HTT: variants seen among roughly 807,000 people sequenced by gnomAD.
The protein encoded by HTT is huntingtin, also known as huntington disease protein.
HTT carries 104 observed loss-of-function variants against 362.3 expected under a neutral mutation model. The observed-to-expected ratio is 0.29, with a 90% CI of 0.24 to 0.34. HTT has a LOEUF of 0.34. HTT is among the 10% of genes least tolerant of loss of function. HTT has a pLI of 1.00. For synonymous variants in HTT, 1,577 were observed against 1,548.7 expected (o/e 1.02, Z -0.43); for missense variants, 3,301 against 3,928.6 (o/e 0.84, Z 4.27).
intron 15 of HTT, 24 bp from the exon 16 acceptor site, chr4:3,131,614 G>A (rs2110188827): frequency 6.2e-7 from 1 of 1,609,242 alleles, no homozygotes; most frequent in Non-Finnish European, 8.5e-7. Flanking sequence ...GAGGCTGAAG[G>A]TGGCTTGGGT....
Position 3,130,005 on chromosome 4 carries a change from C to T in HTT, c.1825C>T (p.Leu609Phe). The stretch of plus-strand genomic sequence containing the variant: ...TGAAGATGAGGAAGCCACAGGTATT[C>T]TTCCTGATGAAGCCTCGGAGGCCTT... ...QDEDEEATGI[L>F]PDEASEAFRN... Residue 609 changes from leucine to phenylalanine, a missense_variant, in exon 13 of 67, where the codon CTT becomes TTT. Coordinates refer to ENST00000355072, the MANE Select transcript of HTT (RefSeq NM_001388492.1). 6.2e-7 allele frequency: 1 copy of T among 1,613,606 alleles called. No homozygotes were observed. Among genetic ancestry groups the T allele is most frequent in the Non-Finnish European group, 8.5e-7 (1 of 1,179,746 alleles).
chr4:3,156,978 A>G, intron 27 of HTT, 94 bp from the exon 28 acceptor site: 1 of 1,021,446 alleles, frequency 9.8e-7, no homozygotes. Context: ...TCATACTAGA[A>G]TACTTTAAAA....
Position 3,129,202 on chromosome 4 carries a change from T to C in HTT, c.1744-722T>C, listed in dbSNP as rs538877837. On this transcript the variant is annotated intron_variant, in intron 12 of 66. Transcript: ENST00000355072. Reference sequence around the variant, plus strand: ...TTCATGTTTTAGCCATTGTGAATCATGCTGTTATGAACGTGGGTGTACAGA... The same window carrying C: ...TTCATGTTTTAGCCATTGTGAATCACGCTGTTATGAACGTGGGTGTACAGA... 3.3e-5 allele frequency: 5 copies of C among 152,402 alleles called. No homozygotes were observed. In the East Asian group the frequency reaches 9.6e-4, roughly 29 times the overall value. The allele number at this position is 152,402 out of a possible 1,614,324, so 9.4% of individuals were successfully genotyped here.
chr4:3,169,860 CA>C (rs1393685244), intron 29 of HTT, among the ~76,000 whole-genome samples: 1 of 152,228 alleles, frequency 6.6e-6, no homozygotes, highest in African/African-American at 2.4e-5. Context: ...AGGCATGAGC[CA>C]CCGTGTCTGG....
At chr4:3,133,089 C>T (rs1715898880) in intron 18 of HTT, among the ~76,000 whole-genome samples, 178 bp downstream of exon 18, 1 of 152,138 alleles carries the variant, frequency 6.6e-6, no homozygotes, top group Non-Finnish European at 1.5e-5. Context: ...AAAGTTAATG[C>T]TTCATAAACT....
At chr4:3,185,311 CAG>C (rs1718710934) in intron 37 of HTT, among the ~76,000 whole-genome samples, 1 of 152,142 alleles carries the variant, frequency 6.6e-6, no homozygotes, top group African/African-American at 2.4e-5. Context: ...GCATGGATGA[CAG>C]AGCACTGTGG....
At chr4:3,127,156 G>A in intron 11 of HTT, 108 bp from the exon 12 acceptor site, 1 of 785,670 alleles carries the variant, frequency 1.3e-6, no homozygotes, top group Non-Finnish European at 2.1e-6. Context: ...ATGCTGTGCA[G>A]CTGAAACATT....
chr4:3,196,840 A>G (rs1322288477), intron 40 of HTT, among the ~76,000 whole-genome samples: 1 of 152,060 alleles, frequency 6.6e-6, no homozygotes, highest in Non-Finnish European at 1.5e-5. Flanking sequence ...TAACAGCCAC[A>G]CTAAGCCAGC....
intron 61 of HTT, among the ~76,000 whole-genome samples, 162 bp downstream of exon 61, chr4:3,233,515 GCA>G (rs1441227237): frequency 6.6e-6 from 1 of 152,200 alleles, no homozygotes; most frequent in Non-Finnish European, 1.5e-5. Context: ...AGACGCAAGA[GCA>G]CAGGTGCGTC....
intron 33 of HTT, among the ~76,000 whole-genome samples, chr4:3,176,998 A>G (rs2110236725): frequency 6.6e-6 from 1 of 152,320 alleles, no homozygotes; most frequent in East Asian, 1.9e-4. Context: ...TTACTAAACC[A>G]GTTTCAGGGA....
chr4:3,193,290 T>C (rs1300541219), intron 40 of HTT, among the ~76,000 whole-genome samples: 1 of 152,272 alleles, frequency 6.6e-6, no homozygotes, highest in Non-Finnish European at 1.5e-5. Context: ...ATAATTTTCT[T>C]GTTTCTTTTT....
intron 49 of HTT, chr4:3,213,076 GC>G (rs1429150563): frequency 8.9e-6 from 2 of 225,598 alleles, no homozygotes; most frequent in Non-Finnish European, 1.8e-5. Context: ...CTTGTAATTC[GC>G]CCCCAGAATG....
chr4:3,128,538 A>G (rs1028438734), intron 12 of HTT: 7 of 152,196 alleles, frequency 4.6e-5, no homozygotes, highest in Non-Finnish European at 1.0e-4. Context: ...CCTATTATAA[A>G]CAGATCTGTG....
At chr4:3,164,644 T>C (rs1717610359) in intron 29 of HTT, among the ~76,000 whole-genome samples, 1 of 152,226 alleles carries the variant, frequency 6.6e-6, no homozygotes, top group South Asian at 2.1e-4. Flanking sequence ...TTAGCTCTTC[T>C]TGTTGAATTG....
intron 29 of HTT, among the ~76,000 whole-genome samples, chr4:3,161,334 G>A (rs192201067): frequency 3.9e-4 from 59 of 152,228 alleles, no homozygotes; most frequent in Middle Eastern, 6.8e-3. Context: ...ATGGACATTC[G>A]GGTTGGTTCC....
chr4:3,094,343 ATC>A (rs1169818054), intron 2 of HTT, among the ~76,000 whole-genome samples: 1 of 152,142 alleles, frequency 6.6e-6, no homozygotes. Flanking sequence ...TAACAATCTG[ATC>A]TCTCTTTCTT....
chr4:3,163,242 A>T (rs542589866), intron 29 of HTT, among the ~76,000 whole-genome samples: 12 of 152,352 alleles, frequency 7.9e-5, no homozygotes, highest in African/African-American at 2.9e-4. Context: ...TGATTTGCGT[A>T]TGTTGAACCA....
Position 3,074,933 on chromosome 4 carries a change from G to GCAGCAGCAGCAA in HTT, c.110_111insGCAGCAGCAACA (p.Gln35_Gln38dup), listed in dbSNP as rs1553909034. The GCAGCAGCAGCAA allele has an allele frequency of 7.6e-6, 11 of 1,443,946 alleles. No individual in the cohort carries two copies. Among genetic ancestry groups the GCAGCAGCAGCAA allele is most frequent in the South Asian group, 3.8e-5 (3 of 77,938 alleles). The allele number at this position is 1,443,946 out of a possible 1,614,324, so 89.4% of individuals were successfully genotyped here. A position where few individuals can be genotyped will look rare whatever the true frequency, so the allele number is the denominator to read the frequency against. ...AGCAGCAGCAGCAGCAGCAGCAGCAGCAACAGCCGCCACCGCCGCCGCCGC... is the reference window on the plus strand; with the variant it reads ...AGCAGCAGCAGCAGCAGCAGCAGCAGCAGCAGCAGCAACAACAGCCGCCACCGCCGCCGCCGC... On this transcript the variant is annotated inframe_insertion, in exon 1 of 67. Transcript: ENST00000355072.
chr4:3,109,660 A>G (rs1230324952), intron 6 of HTT, among the ~76,000 whole-genome samples: 1 of 151,966 alleles, frequency 6.6e-6, no homozygotes, highest in African/African-American at 2.4e-5. Flanking sequence ...ATGGTTGCTT[A>G]CGTATTATAT....
Sources: allele counts gnomAD v4.1 joint callset (sites outside exome capture counted in the v4.1 genomes callset), GRCh38; gene constraint gnomAD v4.1.1; transcripts MANE v1.5; gene names NCBI Gene and HGNC (gene_info 2026-07-23, HGNC 2026-07-21).